MEGF9: variants seen among roughly 807,000 people sequenced by gnomAD.
MEGF9 encodes multiple epidermal growth factor-like domains protein 9.
A neutral mutation model predicts 46.8 loss-of-function variants in MEGF9; 6 were observed. That is an observed-to-expected ratio of 0.13 (90% confidence interval 0.07 to 0.25). MEGF9 has a LOEUF of 0.25. MEGF9 is among the 10% of genes least tolerant of loss of function. The probability of loss-of-function intolerance (pLI) is 1.00; values close to 1 mark genes in which losing one functional copy is unlikely to be tolerated. For synonymous variants in MEGF9, 302 were observed against 330.7 expected, an observed-to-expected ratio of 0.91 and a Z score of 0.94; for missense variants, 683 against 792.4, an observed-to-expected ratio of 0.86 and a Z score of 1.66.
chr9:120,609,841 T>C (rs2043437636), intron 4 of MEGF9, among the ~76,000 whole-genome samples: 1 of 152,180 alleles, frequency 6.6e-6, no homozygotes, highest in South Asian at 2.1e-4. Context: ...ATGGAACTTG[T>C]GGCAATGAAT....
chr9:120,694,668 C>A (rs1440083097), intron 1 of MEGF9, among the ~76,000 whole-genome samples: 1 of 152,110 alleles, frequency 6.6e-6, no homozygotes, highest in Non-Finnish European at 1.5e-5. Context: ...TGGTTATACA[C>A]AAAAGGAGGC....
At chr9:120,647,782 C>T (rs1344557721) in intron 2 of MEGF9, among the ~76,000 whole-genome samples, 1 of 152,216 alleles carries the variant, frequency 6.6e-6, no homozygotes, top group Non-Finnish European at 1.5e-5. Flanking sequence ...CCCATAGTCA[C>T]TTCAAAATCA....
At chr9:120,690,088 T>TC (rs1264037399) in intron 1 of MEGF9, 1 of 452,368 alleles carries the variant, frequency 2.2e-6, no homozygotes, top group Non-Finnish European at 4.6e-6. Context: ...CTGGGCTCCC[T>TC]CAGTTGGAAA....
chr9:120,700,089 T>C (rs1588000212), intron 1 of MEGF9, among the ~76,000 whole-genome samples: 3 of 152,248 alleles, frequency 2.0e-5, no homozygotes, highest in Admixed American at 6.5e-5. Context: ...AAAGCCTTTA[T>C]GTCTGAGAAA....
rs1030444600 is a variant in MEGF9, at chr9:120,690,107, G to A, written c.601+23651C>T. The A allele has an allele frequency of 1.0e-4, 43 of 412,544 alleles. No individual in the cohort carries two copies. The Middle Eastern group carries it at 2.1e-3, about 20-fold the overall frequency. The allele number at this position is 412,544 out of a possible 1,614,324, so 25.6% of individuals were successfully genotyped here. On this transcript the variant is annotated intron_variant, in intron 1 of 5. Coordinates refer to ENST00000373930, the MANE Select transcript of MEGF9 (RefSeq NM_001080497.3). ...GCTCCCTCAGTTGGAAAGCCCAGGG[G>A]AATAAACATTCCAGATATATAACTA...
chr9:120,676,328 T>C (rs1328617003), intron 1 of MEGF9, among the ~76,000 whole-genome samples: 1 of 152,218 alleles, frequency 6.6e-6, no homozygotes, highest in Non-Finnish European at 1.5e-5. Flanking sequence ...TTCAGTCTTC[T>C]TTTATATCAG....
chr9:120,658,545 A>G (rs1259538669), intron 2 of MEGF9, among the ~76,000 whole-genome samples: 1 of 152,252 alleles, frequency 6.6e-6, no homozygotes, highest in Non-Finnish European at 1.5e-5. Flanking sequence ...CCTTGAGAAG[A>G]AACAAGCTCA....
rs2043505146 is a variant in MEGF9, at chr9:120,622,618, G to A, written c.941C>T (p.Thr314Ile). The change falls in exon 3 of 6, where the codon ACA becomes ATA. Residue 314 changes from threonine to isoleucine, a missense_variant and splice_region_variant. Physicochemically the swap from Thr to Ile is moderately conservative, Grantham distance 89. Around this residue, in one of 2 missense-constraint regions of MEGF9, gnomAD observed 313 missense variants for 421.1 expected, o/e 0.74. Coordinates refer to ENST00000373930, the MANE Select transcript of MEGF9 (RefSeq NM_001080497.3). ...NNRSASCDAL[T>I]GACLNCQENS... ...ACAAAGTTAAGGAAAGTACGTACCT[G>A]TGAGGGCATCGCAACTGGCAGACCG... 1.2e-6 allele frequency: 2 copies of A among 1,613,578 alleles called. No homozygotes were observed. The highest frequency in any genetic ancestry group is 1.1e-5 in the South Asian group (1 of 91,038).
intron 2 of MEGF9, among the ~76,000 whole-genome samples, chr9:120,642,000 TCCACTTTCCA>T (rs1248737375): frequency 2.0e-5 from 3 of 152,304 alleles, no homozygotes; most frequent in African/African-American, 7.2e-5. Context: ...GCCCTGCCTC[TCCACTTTCCA>T]CCACAATGAC....
intron 1 of MEGF9, among the ~76,000 whole-genome samples, chr9:120,662,246 A>G (rs779780291): frequency 2.0e-5 from 3 of 152,200 alleles, no homozygotes; most frequent in Non-Finnish European, 4.4e-5. Flanking sequence ...AGTCAGTCTA[A>G]TATCTTCATT....
intron 4 of MEGF9, among the ~76,000 whole-genome samples, chr9:120,611,616 T>C (rs189069943): frequency 4.6e-5 from 7 of 152,200 alleles, no homozygotes; most frequent in Admixed American, 2.0e-4. Flanking sequence ...CTAATGATTA[T>C]AGGATTGTTT....
intron 1 of MEGF9, among the ~76,000 whole-genome samples, chr9:120,680,343 G>T (rs1476628934): frequency 6.6e-6 from 1 of 152,138 alleles, no homozygotes; most frequent in African/African-American, 2.4e-5. Flanking sequence ...GAAGGGACTT[G>T]GGCCCCAAAT....
chr9:120,683,545 G>A (rs1399005151), intron 1 of MEGF9, among the ~76,000 whole-genome samples: 1 of 152,194 alleles, frequency 6.6e-6, no homozygotes, highest in Non-Finnish European at 1.5e-5. Context: ...ATGTGAAGAA[G>A]GTCTTTGCTT....
intron 2 of MEGF9, among the ~76,000 whole-genome samples, chr9:120,644,556 T>C (rs533441202): frequency 2.4e-4 from 36 of 152,324 alleles, no homozygotes; most frequent in South Asian, 8.3e-4. Flanking sequence ...TAGGACCCAC[T>C]GAAGGCAGGA....
chr9:120,707,356 T>A (rs530915559), intron 1 of MEGF9, among the ~76,000 whole-genome samples: 1 of 152,168 alleles, frequency 6.6e-6, no homozygotes, highest in Non-Finnish European at 1.5e-5. Context: ...AAACCTGACC[T>A]GAGCAAATGC....
At chr9:120,617,604 T>C (rs1186686962) in intron 3 of MEGF9, among the ~76,000 whole-genome samples, 1 of 152,096 alleles carries the variant, frequency 6.6e-6, no homozygotes, top group African/African-American at 2.4e-5. Context: ...TGAGAAGCCA[T>C]TGGAGGGCTT....
At chr9:120,653,045 C>T (rs947636196) in intron 2 of MEGF9, among the ~76,000 whole-genome samples, 9 of 152,236 alleles carry the variant, frequency 5.9e-5, no homozygotes, top group Admixed American at 2.6e-4. Context: ...TTCTACTACA[C>T]GTCATCACAC....
intron 1 of MEGF9, among the ~76,000 whole-genome samples, chr9:120,711,871 A>ACACACACACACACACACACACC (rs145059704): frequency 7.9e-4 from 118 of 150,180 alleles, no homozygotes; most frequent in African/African-American, 2.7e-3. Context: ...ACACACACAC[A>ACACACACACACACACACACACC]CCCACAGGCC....
intron 1 of MEGF9, among the ~76,000 whole-genome samples, chr9:120,666,565 G>C (rs149327046): frequency 6.6e-6 from 1 of 152,268 alleles, no homozygotes; most frequent in East Asian, 1.9e-4. Context: ...AAATAGTAGA[G>C]ACACTTTGGA....
Sources: allele counts gnomAD v4.1 joint callset (sites outside exome capture counted in the v4.1 genomes callset), GRCh38; gene constraint gnomAD v4.1.1; regional missense constraint gnomAD v4.1.1; transcripts MANE v1.5; gene names NCBI Gene and HGNC (gene_info 2026-07-23, HGNC 2026-07-21).